Variants in DYSF observed in about 807,000 individuals in gnomAD.
DYSF encodes dysferlin, also known as dystrophy-associated fer-1-like 1.
Under a neutral mutation model 274.9 loss-of-function variants are expected in DYSF, and 212 were observed. The observed-to-expected ratio is 0.77, with a 90% CI of 0.69 to 0.86. DYSF has a LOEUF of 0.86. Ranked by LOEUF, DYSF falls within the 40% of genes least tolerant of loss-of-function variation. The pLI is 0.00. For synonymous variants in DYSF, 1,091 were observed against 1,078.7 expected (o/e 1.01, Z -0.22); for missense variants, 2,666 against 2,783.2 (o/e 0.96, Z 0.95).
chr2:71,547,237 G>GC (rs996547149), intron 17 of DYSF, among the ~76,000 whole-genome samples: 6 of 152,198 alleles, frequency 3.9e-5, no homozygotes, highest in Admixed American at 1.3e-4. Flanking sequence ...ACTGCGATCC[G>GC]CCCCCAAGTC....
intron 3 of DYSF, among the ~76,000 whole-genome samples, chr2:71,487,502 C>A (rs1275150764): frequency 6.6e-6 from 1 of 152,172 alleles, no homozygotes; most frequent in Non-Finnish European, 1.5e-5. Context: ...TAGAGAGATG[C>A]TGGCATTTTG....
intron 1 of DYSF, among the ~76,000 whole-genome samples, chr2:71,477,465 G>C (rs1357747744): frequency 1.3e-5 from 2 of 152,092 alleles, no homozygotes; most frequent in Non-Finnish European, 2.9e-5. Flanking sequence ...ACTACACAGA[G>C]CTTGAAAAAA....
chr2:71,564,358 C>T, intron 24 of DYSF, 145 bp downstream of exon 24: 2 of 1,207,470 alleles, frequency 1.7e-6, no homozygotes, highest in Non-Finnish European at 2.4e-6. Flanking sequence ...TTGGGTAAAA[C>T]AATTTCCCTT....
intron 41 of DYSF, among the ~76,000 whole-genome samples, chr2:71,634,508 G>A (rs1391496240): frequency 6.6e-6 from 1 of 152,128 alleles, no homozygotes; most frequent in African/African-American, 2.4e-5. Flanking sequence ...GGGAGAAGTG[G>A]GCTTGAAATA....
intron 52 of DYSF, among the ~76,000 whole-genome samples, chr2:71,675,664 T>G (rs1573149503): frequency 6.6e-6 from 1 of 152,274 alleles, no homozygotes; most frequent in African/African-American, 2.4e-5. Flanking sequence ...ACTTATTATT[T>G]TGTACATAAT....
At chr2:71,478,335 CCGAG>C (rs2082571863) in intron 1 of DYSF, among the ~76,000 whole-genome samples, 1 of 151,838 alleles carries the variant, frequency 6.6e-6, no homozygotes, top group African/African-American at 2.4e-5. Context: ...CCTCAGCCTC[CCGAG>C]CAGCTGGGAC....
At chr2:71,647,402 A>G (rs897344392) in intron 42 of DYSF, among the ~76,000 whole-genome samples, 9 of 152,230 alleles carry the variant, frequency 5.9e-5, no homozygotes, top group African/African-American at 9.6e-5. Context: ...TAAAATGAGA[A>G]ATTAATAACA....
chr2:71,635,830 A>G (rs1387928413), intron 41 of DYSF, among the ~76,000 whole-genome samples: 1 of 152,086 alleles, frequency 6.6e-6, no homozygotes, highest in Non-Finnish European at 1.5e-5. Flanking sequence ...GATACAATAA[A>G]CAATATTAAT....
chr2:71,503,340 G>T lies in DYSF; in HGVS notation c.345+21G>T, dbSNP rs773969527. 13 of 1,613,006 alleles carry T rather than the reference G, an allele frequency of 8.1e-6. No homozygotes were observed. The Admixed American group carries it at 1.3e-4, about 17-fold the overall frequency. On this transcript the variant is annotated intron_variant, in intron 4 of 55. Transcript: ENST00000410020. ...CAGGGGTAAGTGCCCATCAGCCTCT[G>T]CCAGGTTAAGGTCCAAGGCATTGCC...
chr2:71,679,000 G>A (rs2095261555), intron 52 of DYSF, 57 bp from the exon 53 acceptor site: 1 of 1,539,272 alleles, frequency 6.5e-7, no homozygotes, highest in Non-Finnish European at 9.0e-7. Flanking sequence ...CCTAAGGGTG[G>A]CTACAGGCTG....
chr2:71,614,796 G>A (rs1020049294), intron 40 of DYSF, among the ~76,000 whole-genome samples: 9 of 152,320 alleles, frequency 5.9e-5, no homozygotes, highest in East Asian at 1.9e-4. Context: ...ATGGATGGAC[G>A]AATTTTCTGG....
intron 41 of DYSF, among the ~76,000 whole-genome samples, chr2:71,625,552 G>T (rs1255104438): frequency 6.6e-6 from 1 of 151,950 alleles, no homozygotes; most frequent in Non-Finnish European, 1.5e-5. Context: ...GGCTATTTTA[G>T]TATCTTATTT....
At chr2:71,484,603 G>A (rs1307964578) in intron 3 of DYSF, among the ~76,000 whole-genome samples, 1 of 152,128 alleles carries the variant, frequency 6.6e-6, no homozygotes, top group Non-Finnish European at 1.5e-5. Context: ...GGGAATACTA[G>A]ACTCATTCAT....
At chr2:71,594,751 C>A (rs2093360397) in intron 32 of DYSF, among the ~76,000 whole-genome samples, 1 of 152,208 alleles carries the variant, frequency 6.6e-6, no homozygotes, top group African/African-American at 2.4e-5. Flanking sequence ...TTTCCTTGGT[C>A]TGCACGGCCT....
chr2:71,564,016 GGT>G, intron 23 of DYSF, 40 bp from the exon 24 acceptor site: 1 of 1,612,578 alleles, frequency 6.2e-7, no homozygotes, highest in Admixed American at 1.7e-5. Flanking sequence ...GCGTGGGCCT[GGT>G]GTGTCACCAT....
chr2:71,674,336 C>G, intron 52 of DYSF, 40 bp downstream of exon 52: 1 of 1,586,758 alleles, frequency 6.3e-7, no homozygotes, highest in Non-Finnish European at 8.7e-7. Flanking sequence ...CACATGGGGG[C>G]TGCCCCAGAA....
At chr2:71,463,024 G>T (rs919290079), upstream of DYSF, among the ~76,000 whole-genome samples, 50 of 152,240 alleles carry the variant, frequency 3.3e-4, no homozygotes, top group Non-Finnish European at 1.6e-4. Flanking sequence ...TGGCTTGTAG[G>T]TGGGGTTTCA....
intron 1 of DYSF, among the ~76,000 whole-genome samples, chr2:71,458,332 A>G (rs2081153629): frequency 6.6e-6 from 1 of 152,268 alleles, no homozygotes; most frequent in Admixed American, 6.5e-5. Flanking sequence ...ATAATTGTAC[A>G]CATCCACAAA....
rs551207157 is a variant in DYSF at position 71,485,755 on chromosome 2, T to C, written c.239+3785T>C. On this transcript the variant is annotated intron_variant, in intron 3 of 55. Coordinates refer to ENST00000410020, the MANE Select transcript of DYSF (RefSeq NM_001130987.2). ...CCAGGGAGTAACAAGAATGAACGCA[T>C]GACATTTTAAATTTTGAAAGAAAAG... Among the ~76,000 whole-genome samples the C allele has an allele frequency of 5.9e-5, 9 of 152,312 alleles. No homozygotes were observed. In the South Asian group the frequency reaches 1.0e-3, roughly 18 times the overall value.
Sources: allele counts gnomAD v4.1 joint callset (sites outside exome capture counted in the v4.1 genomes callset), GRCh38; gene constraint gnomAD v4.1.1; transcripts MANE v1.5; gene names NCBI Gene and HGNC (gene_info 2026-07-23, HGNC 2026-07-21).